FRYL: variants seen among roughly 807,000 people sequenced by gnomAD.
The protein encoded by FRYL is protein furry homolog-like.
FRYL carries 150 observed loss-of-function variants against 351.2 expected under a neutral mutation model. The ratio of observed to expected loss-of-function variants is 0.43; its 90% confidence interval spans 0.37 to 0.49. FRYL has a LOEUF of 0.49. FRYL is among the 20% of genes least tolerant of loss of function. FRYL has a pLI of 0.00. For missense variants in FRYL, 3,036 were observed against 3,619.3 expected (o/e 0.84, Z 4.13); for synonymous variants, 1,153 against 1,257.1 (o/e 0.92, Z 1.75).
intron 60 of FRYL, chr4:48,505,253 A>G (rs1720648168): frequency 2.9e-6 from 1 of 349,810 alleles, no homozygotes; most frequent in Non-Finnish European, 5.4e-6. Context: ...TTTCTTTAAG[A>G]GGCACATGCA....
At chr4:48,717,874 G>A (rs777539346) in intron 1 of FRYL, among the ~76,000 whole-genome samples, 1 of 151,406 alleles carries the variant, frequency 6.6e-6, no homozygotes, top group African/African-American at 2.4e-5. Flanking sequence ...TGACTTGCAC[G>A]GCATGTGAAT....
At chr4:48,770,106 A>G (rs924635334) in intron 1 of FRYL, among the ~76,000 whole-genome samples, 4 of 152,242 alleles carry the variant, frequency 2.6e-5, no homozygotes, top group African/African-American at 9.6e-5. Context: ...CACATTAAAG[A>G]ACATGAAATC....
chr4:48,555,452 A>AGT lies in FRYL; in HGVS notation c.4266+1524_4266+1525dup, dbSNP rs1478759438. On this transcript the variant is annotated intron_variant, in intron 35 of 63. Coordinates refer to ENST00000358350, the MANE Select transcript of FRYL (RefSeq NM_015030.2). Reference sequence around the variant, plus strand: ...TCAATGAAGAAGGGAAAGGAAATGGAGTGTGTGTGTGGAGGTGGTGCATTT... The same window carrying AGT: ...TCAATGAAGAAGGGAAAGGAAATGGAGTGTGTGTGTGTGGAGGTGGTGCATTT... Among the ~76,000 whole-genome samples the AGT allele has an allele frequency of 2.6e-5, 4 of 152,228 alleles. No individual in the cohort carries two copies. In the East Asian group the frequency reaches 7.7e-4, roughly 29 times the overall value.
intron 8 of FRYL, 21 bp from the exon 9 acceptor site, chr4:48,609,088 ACATAACAT>A: frequency 2.1e-6 from 3 of 1,447,246 alleles, no homozygotes; most frequent in Non-Finnish European, 2.9e-6. Flanking sequence ...AAAAGAACAA[ACATAACAT>A]TTCATTAAAT....
intron 1 of FRYL, among the ~76,000 whole-genome samples, chr4:48,767,628 T>A (rs1441144699): frequency 1.3e-5 from 2 of 152,070 alleles, no homozygotes; most frequent in African/African-American, 4.8e-5. Context: ...AAACTCAGAG[T>A]AACAGAGTAG....
Position 48,774,500 on chromosome 4 carries a change from T to C in FRYL, c.-384+5578A>G, listed in dbSNP as rs375409321. Among the ~76,000 whole-genome samples, 9 of 152,334 alleles carry C rather than the reference T, an allele frequency of 5.9e-5. No homozygotes were observed. In the South Asian group the frequency reaches 1.2e-3, roughly 21 times the overall value. The stretch of plus-strand genomic sequence containing the variant: ...AAAAGGAGGGTGGTAGGGGGATCTA[T>C]TTTGTCAAAGTTAAAAATATTTCAC... On this transcript the variant is annotated intron_variant, in intron 1 of 63. Transcript: ENST00000358350.
chr4:48,593,246 A>T (rs1743850395), intron 16 of FRYL, among the ~76,000 whole-genome samples: 1 of 131,448 alleles, frequency 7.6e-6, no homozygotes, highest in Non-Finnish European at 1.6e-5. Context: ...AAATATAAAC[A>T]ATGTGAAGTA....
chr4:48,671,876 A>C (rs1578656300), intron 3 of FRYL, among the ~76,000 whole-genome samples: 30 of 146,348 alleles, frequency 2.0e-4, no homozygotes, highest in African/African-American at 7.6e-4. Flanking sequence ...AAAAAAACAA[A>C]AAAAAAAAAA....
In FRYL at chr4:48,589,808, ACTT is replaced by A; in HGVS notation, c.1574_1576del (p.Glu525del). 1 of 1,613,802 alleles carries A rather than the reference ACTT, an allele frequency of 6.2e-7. No individual in the cohort carries two copies. The highest frequency in any genetic ancestry group is 8.5e-7 in the Non-Finnish European group (1 of 1,179,748). On this transcript the variant is annotated inframe_deletion, in exon 18 of 64. Coordinates refer to ENST00000358350, the MANE Select transcript of FRYL (RefSeq NM_015030.2). ...ACTGGTCATACACATTGGTCTCCCA[ACTT>A]CTTTGTCCAAATGTCTGAGGATGCT...
At chr4:48,578,921 T>C (rs1487074048) in intron 23 of FRYL, 52 bp downstream of exon 23, 24 of 1,466,032 alleles carry the variant, frequency 1.6e-5, no homozygotes, top group Admixed American at 2.2e-5. Flanking sequence ...TAAATACATA[T>C]GAAAGCTGAC....
chr4:48,743,553 C>T (rs904723744), intron 1 of FRYL, among the ~76,000 whole-genome samples: 2 of 152,112 alleles, frequency 1.3e-5, no homozygotes, highest in Non-Finnish European at 2.9e-5. Context: ...TAATTCAATG[C>T]TCTTTCTACT....
intron 5 of FRYL, among the ~76,000 whole-genome samples, chr4:48,622,583 T>C (rs933409480): frequency 3.3e-5 from 5 of 152,160 alleles, no homozygotes; most frequent in African/African-American, 1.2e-4. Context: ...CTGAGATATA[T>C]AATTTTGGGT....
At chr4:48,728,688 AAAGAT>A (rs1399349909) in intron 1 of FRYL, among the ~76,000 whole-genome samples, 1 of 152,236 alleles carries the variant, frequency 6.6e-6, no homozygotes, top group Non-Finnish European at 1.5e-5. Context: ...ATAGAAGAAC[AAAGAT>A]AAGATTTACA....
Position 48,645,124 on chromosome 4 carries a change from T to TTATATATATATATATATA in FRYL, c.-80-10652_-80-10635dup, listed in dbSNP as rs36223183. 4.1e-3 allele frequency among the ~76,000 whole-genome samples: 430 copies of TTATATATATATATATATA among 105,310 alleles called. 13 individuals carry two copies. The highest frequency in any genetic ancestry group is 4.3e-3 in the Non-Finnish European group (209 of 48,270). 69.1% of individuals were successfully genotyped at this position (105,310 alleles called of 152,430 possible). On this transcript the variant is annotated intron_variant, in intron 3 of 63. Coordinates refer to ENST00000358350, the MANE Select transcript of FRYL (RefSeq NM_015030.2). ...ATTAAACCAGCAGTGAGCTTTCATT[T>TTATATATATATATATATA]TATATATATATATATATATATATAT...
At chr4:48,593,591 CAGCCT>C (rs1743981884) in intron 16 of FRYL, among the ~76,000 whole-genome samples, 1 of 151,468 alleles carries the variant, frequency 6.6e-6, no homozygotes, top group Non-Finnish European at 1.5e-5. Flanking sequence ...GGTGATCTGC[CAGCCT>C]CAGGTGATCT....
At chr4:48,522,779 C>T (rs1421948899) in intron 54 of FRYL, 122 bp downstream of exon 54, 15 of 796,548 alleles carry the variant, frequency 1.9e-5, no homozygotes, top group Admixed American at 7.2e-5. Flanking sequence ...ATTAGTGTTG[C>T]AATCTTGTAG....
intron 3 of FRYL, among the ~76,000 whole-genome samples, chr4:48,678,362 G>C (rs1179122426): frequency 2.0e-5 from 3 of 151,996 alleles, no homozygotes; most frequent in Non-Finnish European, 4.4e-5. Context: ...ATAAAAATTA[G>C]CTGGGTGTGG....
chr4:48,508,794 C>T (rs536431954), intron 59 of FRYL, among the ~76,000 whole-genome samples: 7 of 152,154 alleles, frequency 4.6e-5, no homozygotes, highest in South Asian at 2.1e-4. Context: ...AGAGTTTACC[C>T]CAGTTTGCAC....
intron 2 of FRYL, among the ~76,000 whole-genome samples, chr4:48,703,426 C>CA (rs1167076250): frequency 1.3e-5 from 2 of 152,200 alleles, no homozygotes; most frequent in Non-Finnish European, 2.9e-5. Flanking sequence ...ACCCCTGCCA[C>CA]AGCCAGAGTG....
Sources: allele counts gnomAD v4.1 joint callset (sites outside exome capture counted in the v4.1 genomes callset), GRCh38; gene constraint gnomAD v4.1.1; transcripts MANE v1.5; gene names NCBI Gene and HGNC (gene_info 2026-07-23, HGNC 2026-07-21).